Variants in FCRL2 observed in about 807,000 individuals in gnomAD.
FCRL2 encodes the protein Fc receptor-like protein 2.
Under a neutral mutation model 59.8 loss-of-function variants are expected in FCRL2, and 48 were observed. The ratio of observed to expected loss-of-function variants is 0.80; its 90% CI spans 0.64 to 1.02. The LOEUF is 1.02. FCRL2 is among the 50% of genes least tolerant of loss of function. The pLI, the probability that FCRL2 is intolerant of heterozygous loss-of-function variation, is 0.00. For synonymous variants in FCRL2, 251 were observed against 229.5 expected, an observed-to-expected ratio of 1.09 and a Z score of -0.85; for missense variants, 658 against 597.3, an observed-to-expected ratio of 1.10 and a Z score of -1.06.
chr1:157,774,565 T>G, intron 2 of FCRL2: 1 of 423,362 alleles, frequency 2.4e-6, no homozygotes, highest in Admixed American at 2.7e-5. Context: ...GTTCTCTGAA[T>G]GGTCGTAGGT....
chr1:157,759,369 G>A lies in FCRL2; in HGVS notation c.1279+7486C>T, dbSNP rs141483895. Among the ~76,000 whole-genome samples the A allele has an allele frequency of 2.6e-3, 395 of 152,220 alleles. 4 individuals carry two copies. The highest frequency in any genetic ancestry group is 6.8e-3 in the Middle Eastern group (2 of 294). On this transcript the variant is annotated intron_variant, in intron 7 of 11. Transcript: ENST00000361516. ...TCTAGAAGAAAACCTAGGAAATACC[G>A]TTCTGGACATTGGCCAAGAAAAGCC...
intron 7 of FCRL2, among the ~76,000 whole-genome samples, chr1:157,765,524 A>ACAGACAC (rs1307182931): frequency 6.6e-6 from 1 of 152,224 alleles, no homozygotes; most frequent in African/African-American, 2.4e-5. Context: ...CCTGATGAAC[A>ACAGACAC]CAGACACAAA....
intron 2 of FCRL2, among the ~76,000 whole-genome samples, chr1:157,771,724 T>G (rs1257574053): frequency 6.6e-6 from 1 of 152,218 alleles, no homozygotes; most frequent in Admixed American, 6.5e-5. Flanking sequence ...TATGACATCT[T>G]CATATTTTAT....
intron 7 of FCRL2, among the ~76,000 whole-genome samples, chr1:157,752,427 G>A (rs1648263794): frequency 6.6e-6 from 1 of 152,306 alleles, no homozygotes; most frequent in Admixed American, 6.5e-5. Context: ...CCAGCCATGT[G>A]GAACTATAAG....
chr1:157,757,920 CCA>C (rs1571263740), intron 7 of FCRL2, among the ~76,000 whole-genome samples: 1 of 152,192 alleles, frequency 6.6e-6, no homozygotes, highest in East Asian at 1.9e-4. Context: ...CTAGATGGTG[CCA>C]CTGCGCTCTA....
Position 157,770,613 on chromosome 1 carries a change from GAA to G in FCRL2, c.104_105del (p.Val35AlafsTer18). 1 of 1,614,144 alleles carries G rather than the reference GAA, an allele frequency of 6.2e-7. No homozygotes were observed. The highest frequency in any genetic ancestry group is 8.5e-7 in the Non-Finnish European group (1 of 1,180,006). On this transcript the variant is annotated frameshift_variant, in exon 3 of 12. Coordinates refer to ENST00000361516, the MANE Select transcript of FCRL2 (RefSeq NM_030764.4). LOFTEE classifies it high-confidence loss of function. ...PSSVFEGDSI[V>X]LKCQGEQNWK... ...CAGTTCTGTTCTCCCTGGCATTTCA[GAA>G]CGATGCTGTCTCCTTCGAAGACAGA...
chr1:157,770,737 G>A, intron 2 of FCRL2, 71 bp from the exon 3 acceptor site: 4 of 1,536,150 alleles, frequency 2.6e-6, no homozygotes, highest in Non-Finnish European at 2.7e-6. Context: ...TTGGCAGTGA[G>A]GTGGTCTCAG....
intron 7 of FCRL2, among the ~76,000 whole-genome samples, chr1:157,759,509 A>G (rs138362334): frequency 3.0e-4 from 46 of 152,318 alleles, no homozygotes; most frequent in African/African-American, 8.4e-4. Flanking sequence ...TAAATAAACA[A>G]TCTATAGAAT....
chr1:157,768,258 T>C, intron 5 of FCRL2, 156 bp downstream of exon 5: 1 of 649,492 alleles, frequency 1.5e-6, no homozygotes, highest in Non-Finnish European at 2.6e-6. Flanking sequence ...AAGAAACAGG[T>C]CAGCAGTCTA....
intron 4 of FCRL2, 139 bp downstream of exon 4, chr1:157,769,727 G>A (rs192510659): frequency 1.5e-4 from 164 of 1,100,552 alleles, no homozygotes; most frequent in Non-Finnish European, 2.0e-4. Flanking sequence ...GCGCCCGGCC[G>A]CAACCTGGAG....
chr1:157,755,822 A>G (rs546011209), intron 7 of FCRL2, among the ~76,000 whole-genome samples: 1 of 152,376 alleles, frequency 6.6e-6, no homozygotes, highest in African/African-American at 2.4e-5. Flanking sequence ...ATGACATCAC[A>G]TAAGTCTAAA....
intron 10 of FCRL2, 116 bp downstream of exon 10, chr1:157,748,437 T>C (rs1331394037): frequency 7.8e-6 from 3 of 382,554 alleles, no homozygotes; most frequent in African/African-American, 5.2e-5. Flanking sequence ...GATAGATAGA[T>C]AGACAAATAA....
chr1:157,756,468 A>G (rs114756751), intron 7 of FCRL2, among the ~76,000 whole-genome samples: 470 of 152,294 alleles, frequency 3.1e-3, no homozygotes, highest in African/African-American at 0.01. Context: ...AGATCGCTTG[A>G]GCCCAGGAGT....
rs751874797 is a variant in FCRL2, at chr1:157,770,202, G to A, written c.311-52C>T. The A allele has an allele frequency of 6.9e-6, 11 of 1,587,772 alleles. No homozygotes were observed. The South Asian group carries it at 1.1e-4, about 16-fold the overall frequency. ...CAAAGCAGTGACAGCTAAGATTCCTGCTGAAAAGCCTCTGGCAAGAAGCAA... is the reference window on the plus strand; with the variant it reads ...CAAAGCAGTGACAGCTAAGATTCCTACTGAAAAGCCTCTGGCAAGAAGCAA... On this transcript the variant is annotated intron_variant, in intron 3 of 11. Coordinates refer to ENST00000361516, the MANE Select transcript of FCRL2 (RefSeq NM_030764.4).
intron 10 of FCRL2, among the ~76,000 whole-genome samples, chr1:157,747,134 C>T (rs1256972736): frequency 1.3e-5 from 2 of 152,216 alleles, no homozygotes; most frequent in African/African-American, 4.8e-5. Flanking sequence ...TCTAATGCAA[C>T]TTCCCATAGG....
chr1:157,767,787 T>C, intron 5 of FCRL2: 2 of 1,157,718 alleles, frequency 1.7e-6, no homozygotes, highest in Non-Finnish European at 2.3e-6. Flanking sequence ...ATTTCTTTTT[T>C]TTCTTTTGTA....
intron 7 of FCRL2, among the ~76,000 whole-genome samples, chr1:157,761,319 G>C (rs544948704): frequency 6.6e-6 from 1 of 152,282 alleles, no homozygotes; most frequent in African/African-American, 2.4e-5. Context: ...GTTAGACATA[G>C]AAAACAGACA....
intron 5 of FCRL2, chr1:157,767,748 T>C: frequency 2.0e-6 from 3 of 1,471,256 alleles, no homozygotes; most frequent in South Asian, 1.5e-5. Context: ...CATCTGATTG[T>C]TTTCCTGTGC....
intron 7 of FCRL2, among the ~76,000 whole-genome samples, chr1:157,755,507 T>C (rs1171529513): frequency 2.0e-5 from 3 of 152,168 alleles, no homozygotes; most frequent in African/African-American, 7.2e-5. Context: ...GAAATTTTAT[T>C]TATAAGAATT....
Sources: gnomAD v4.1 joint callset for allele counts (sites outside exome capture counted in the v4.1 genomes callset) on GRCh38, gnomAD v4.1.1 for gene constraint, MANE v1.5 for transcripts, NCBI Gene and HGNC (gene_info 2026-07-23, HGNC 2026-07-21) for gene names.